Variants in DPP6 observed in about 807,000 individuals in gnomAD.
The protein encoded by DPP6 is A-type potassium channel modulatory protein DPP6.
DPP6 carries 69 observed loss-of-function variants against 122.6 expected under a neutral mutation model. The observed-to-expected ratio is 0.56, with a 90% CI of 0.46 to 0.69. The LOEUF is 0.69. Among genes scored for constraint, DPP6 ranks in the 30% least tolerant of loss-of-function variants. The pLI is 0.00. For missense variants in DPP6, 928 were observed against 1,116.9 expected, an observed-to-expected ratio of 0.83 and a Z score of 2.41; for synonymous variants, 418 against 433.1, an observed-to-expected ratio of 0.97 and a Z score of 0.43.
At chr7:153,762,641 A>G in the DPP6 span, among the ~76,000 whole-genome samples, 2 of 152,018 alleles carry the variant, frequency 1.3e-5, no homozygotes, top group African/African-American at 4.8e-5. Flanking sequence ...TTATCTGGGC[A>G]TGGTGGTGCA....
intron 1 of DPP6, among the ~76,000 whole-genome samples, chr7:154,438,469 CAAAAAAAAAAAA>C (rs58978160): frequency 1.6e-4 from 6 of 37,462 alleles, no homozygotes; most frequent in African/African-American, 3.5e-4. Flanking sequence ...GACTCCAACT[CAAAAAAAAAAAA>C]AAAAAAAAAA....
chr7:154,075,236 A>G (rs1005658915), intron 1 of DPP6, among the ~76,000 whole-genome samples: 1 of 151,900 alleles, frequency 6.6e-6, no homozygotes, highest in African/African-American at 2.4e-5. Flanking sequence ...CACTATGGAA[A>G]ACAGTGTGGA....
At chr7:154,060,624 C>T (rs1464548876) in intron 1 of DPP6, among the ~76,000 whole-genome samples, 6 of 146,518 alleles carry the variant, frequency 4.1e-5, no homozygotes, top group Admixed American at 4.0e-4. Flanking sequence ...GCTCTGAGGA[C>T]CCCCATCGCA....
chr7:154,198,185 C>T (rs1238449102), intron 1 of DPP6, among the ~76,000 whole-genome samples: 1 of 152,114 alleles, frequency 6.6e-6, no homozygotes, highest in Non-Finnish European at 1.5e-5. Context: ...TGAGCTCTTT[C>T]CTTTTCCAGG....
rs138727930 is a variant in DPP6, at chr7:154,239,348, T to C, written c.243+186285T>C. 7.6e-3 allele frequency among the ~76,000 whole-genome samples: 1,164 copies of C among 152,222 alleles called. 19 individuals are homozygous for C. Among genetic ancestry groups the C allele is most frequent in the African/African-American group, 0.026 (1,083 of 41,542 alleles). On this transcript the variant is annotated intron_variant, in intron 1 of 25. Transcript: ENST00000377770. Reference sequence around the variant, plus strand: ...ACGGGTTTGAACGGAGCAGTTCCACTTATATGTGGATTTTCTTCTGCCTCT... The same window carrying C: ...ACGGGTTTGAACGGAGCAGTTCCACCTATATGTGGATTTTCTTCTGCCTCT...
intron 5 of DPP6, among the ~76,000 whole-genome samples, chr7:154,573,344 C>G (rs182283581): frequency 6.6e-6 from 1 of 152,188 alleles, no homozygotes; most frequent in South Asian, 2.1e-4. Context: ...ATTTCTACCA[C>G]ACCTGCCGCC....
At chr7:154,703,152 A>G (rs1434778742) in intron 7 of DPP6, among the ~76,000 whole-genome samples, 3 of 152,244 alleles carry the variant, frequency 2.0e-5, no homozygotes, top group African/African-American at 7.2e-5. Context: ...CTGCTCAGAA[A>G]GAAAGATTTC....
chr7:153,910,190 C>A (rs996241883), intron 1 of DPP6, among the ~76,000 whole-genome samples: 1 of 151,806 alleles, frequency 6.6e-6, no homozygotes, highest in East Asian at 1.9e-4. Context: ...CCATTTTCAC[C>A]CTTCCAGGGC....
At chr7:153,947,618 G>A (rs1429238335) in intron 1 of DPP6, among the ~76,000 whole-genome samples, 3 of 152,198 alleles carry the variant, frequency 2.0e-5, no homozygotes, top group South Asian at 2.1e-4. Context: ...GTGGGGACCC[G>A]AAGAGACAGT....
intron 3 of DPP6, among the ~76,000 whole-genome samples, chr7:154,532,549 G>A (rs1827923101): frequency 6.6e-6 from 1 of 152,096 alleles, no homozygotes; most frequent in African/African-American, 2.4e-5. Context: ...CCAAGAGCTT[G>A]TTCTTTGAAA....
At chr7:154,671,462 C>A (rs1375860696) in intron 7 of DPP6, among the ~76,000 whole-genome samples, 3 of 152,202 alleles carry the variant, frequency 2.0e-5, no homozygotes, top group Non-Finnish European at 4.4e-5. Context: ...ATACCTGCGG[C>A]CTCGCTTCTT....
At chr7:154,215,315 A>G (rs1233125405) in intron 1 of DPP6, among the ~76,000 whole-genome samples, 1 of 152,150 alleles carries the variant, frequency 6.6e-6, no homozygotes. Flanking sequence ...CCCGTAATAC[A>G]GTCACCTCCC....
chr7:154,331,019 C>T (rs1005877233), intron 1 of DPP6, among the ~76,000 whole-genome samples: 1 of 152,160 alleles, frequency 6.6e-6, no homozygotes, highest in Admixed American at 6.5e-5. Flanking sequence ...TTAATGAGGG[C>T]ACCTCAAGAT....
intron 1 of DPP6, among the ~76,000 whole-genome samples, chr7:153,891,688 A>G (rs10234517): frequency 0.013 from 1,954 of 152,274 alleles, 50 homozygotes; most frequent in African/African-American, 0.045. Context: ...CTCTGTCCAT[A>G]TGAGCTTTTT....
At chr7:153,937,130 G>A (rs745875599) in intron 1 of DPP6, among the ~76,000 whole-genome samples, 26 of 152,166 alleles carry the variant, frequency 1.7e-4, no homozygotes, top group African/African-American at 6.3e-4. Context: ...GCTATGAGGA[G>A]AACCCCTTGA....
At chr7:154,239,535 A>C (rs756566474) in intron 1 of DPP6, among the ~76,000 whole-genome samples, 9 of 152,148 alleles carry the variant, frequency 5.9e-5, no homozygotes, top group Non-Finnish European at 1.0e-4. Context: ...TTCCTCTAGC[A>C]GTCACTTTAT....
chr7:154,315,219 A>G (rs1160798486), intron 1 of DPP6, among the ~76,000 whole-genome samples: 1 of 152,204 alleles, frequency 6.6e-6, no homozygotes, highest in African/African-American at 2.4e-5. Flanking sequence ...ATAACCTCAA[A>G]GGTAGTAGTT....
chr7:154,740,812 T>G lies in DPP6; in HGVS notation c.883+12925T>G, dbSNP rs142256244. Among the ~76,000 whole-genome samples, 817 of 152,244 alleles carry G rather than the reference T, an allele frequency of 5.4e-3. 11 individuals carry two copies. Among genetic ancestry groups the G allele is most frequent in the African/African-American group, 0.019 (783 of 41,530 alleles). On this transcript the variant is annotated intron_variant, in intron 8 of 25. Transcript: ENST00000377770. The stretch of plus-strand genomic sequence containing the variant: ...TTTCGTCACCCCCACACACAGGACA[T>G]TTGCGTACTGGGAGAACCTTTATTA...
At chr7:154,339,592 A>G (rs1563507914) in intron 1 of DPP6, among the ~76,000 whole-genome samples, 3 of 152,170 alleles carry the variant, frequency 2.0e-5, no homozygotes, top group Non-Finnish European at 4.4e-5. Context: ...GGAATCAATC[A>G]TCTAATATTC....
Sources: gnomAD v4.1 joint callset for allele counts (sites outside exome capture counted in the v4.1 genomes callset) on GRCh38, gnomAD v4.1.1 for gene constraint, MANE v1.5 for transcripts, NCBI Gene and HGNC (gene_info 2026-07-23, HGNC 2026-07-21) for gene names.